RYR2: variants seen among roughly 807,000 people sequenced by gnomAD.
RYR2 encodes cardiac muscle ryanodine receptor-calcium release channel.
In RYR2, 227 loss-of-function variants were observed where a neutral mutation model predicts 601.1. That is an observed-to-expected ratio of 0.38 (90% CI 0.34 to 0.42). The LOEUF is 0.42. Among genes scored for constraint, RYR2 ranks in the 10% least tolerant of loss-of-function variants. The probability of loss-of-function intolerance (pLI) is 1.00; values close to 1 mark genes in which losing one functional copy is unlikely to be tolerated. For missense variants in RYR2, 4,646 were observed against 6,156.5 expected (o/e 0.75, Z 8.21); for synonymous variants, 2,223 against 2,175.1 (o/e 1.02, Z -0.61).
intron 1 of RYR2, among the ~76,000 whole-genome samples, chr1:237,104,806 G>A (rs75006588): frequency 2.3e-3 from 344 of 152,280 alleles, no homozygotes; most frequent in Non-Finnish European, 4.2e-3. Flanking sequence ...TCTTTGTACC[G>A]AGTTTGCAAG....
chr1:237,688,533 C>A (rs1686647188), intron 63 of RYR2, among the ~76,000 whole-genome samples: 1 of 151,788 alleles, frequency 6.6e-6, no homozygotes, highest in Non-Finnish European at 1.5e-5. Flanking sequence ...AGTATTATAT[C>A]CAAGATTTGG....
intron 1 of RYR2, among the ~76,000 whole-genome samples, chr1:237,147,166 A>G (rs1265002193): frequency 2.0e-5 from 3 of 152,234 alleles, no homozygotes; most frequent in Non-Finnish European, 1.5e-5. Context: ...GATTAAGGCT[A>G]CTATGCTGAA....
At chr1:237,705,856 A>C (rs1558256405) in intron 67 of RYR2, among the ~76,000 whole-genome samples, 1 of 152,200 alleles carries the variant, frequency 6.6e-6, no homozygotes, top group Non-Finnish European at 1.5e-5. Context: ...TACAGATATT[A>C]GCTTATAGCA....
At chr1:237,458,977 G>A (rs376327972) in intron 16 of RYR2, among the ~76,000 whole-genome samples, 175 of 152,202 alleles carry the variant, frequency 1.1e-3, no homozygotes, top group African/African-American at 3.9e-3. Flanking sequence ...GGTGACATGC[G>A]GCTGCCATTT....
intron 24 of RYR2, among the ~76,000 whole-genome samples, chr1:237,515,717 C>CCTCCT (rs1372571539): frequency 0.011 from 4 of 360 alleles, no homozygotes; most frequent in African/African-American, 0.034. Context: ...TCTCCTTCTT[C>CCTCCT]TCTTCCTCCT....
chr1:237,055,455 G>A (rs947406088), intron 1 of RYR2, among the ~76,000 whole-genome samples: 8 of 152,146 alleles, frequency 5.3e-5, no homozygotes, highest in Non-Finnish European at 7.3e-5. Context: ...CAGTCACCAC[G>A]GAGCTGGTGC....
intron 77 of RYR2, 117 bp from the exon 78 acceptor site, chr1:237,731,929 G>A: frequency 2.4e-6 from 1 of 413,754 alleles, no homozygotes; most frequent in Non-Finnish European, 4.3e-6. Flanking sequence ...CCCCACAACA[G>A]GGAAGGAGGA....
At position 237,580,533 on chromosome 1, in the gene RYR2, T is replaced by C. The variant is rs79749849; in HGVS notation, c.3599-9260T>C. Among the ~76,000 whole-genome samples the C allele has an allele frequency of 9.1e-3, 1,389 of 151,924 alleles. 24 individuals are homozygous for C. Among genetic ancestry groups the C allele is most frequent in the African/African-American group, 0.032 (1,324 of 41,404 alleles). Reference sequence around the variant, plus strand: ...GAAATGAATTTCCCATAAAGTAGAATTCAAATTCTTCTAATGAGGGATGAT... The same window carrying C: ...GAAATGAATTTCCCATAAAGTAGAACTCAAATTCTTCTAATGAGGGATGAT... On this transcript the variant is annotated intron_variant, in intron 29 of 104. Transcript: ENST00000366574.
intron 70 of RYR2, among the ~76,000 whole-genome samples, chr1:237,710,669 C>A (rs977743726): frequency 6.0e-5 from 8 of 132,444 alleles, no homozygotes; most frequent in African/African-American, 2.4e-4. Flanking sequence ...AATTCAAAAT[C>A]CACTGTAAAA....
rs780368223 is a variant in RYR2, at chr1:237,595,519, T to C, written c.4458T>C (p.Tyr1486=). ...VHESIKRSNC[Y]MVCAGESMSP... is the part of the protein sequence containing the mutation. ...TCAGCATCAAACGCAGCAACTGCTA[T>C]ATGGTATGTGCGGGTGAGAGCATGA... is the stretch of plus-strand genomic sequence containing the variant. Residue 1486 remains tyrosine (Y), a synonymous_variant, in exon 34 of 105, where the codon TAT becomes TAC. Transcript: ENST00000366574. The C allele has an allele frequency of 2.5e-6, 4 of 1,612,316 alleles. No individual in the cohort carries two copies. The Admixed American group carries it at 5.0e-5, about 20-fold the overall frequency.
Position 237,832,688 on chromosome 1 carries a change from T to G in RYR2, c.*41T>G, listed in dbSNP as rs978486070. ...CCTCTAAAAACCAAAACCCTACCCC[T>G]CTCTCTCCCTCTCTCAATTTCTCTG... On this transcript the variant is annotated 3_prime_UTR_variant, in exon 105 of 105. Coordinates refer to ENST00000366574, the MANE Select transcript of RYR2 (RefSeq NM_001035.3). 2 of 1,071,982 alleles carry G rather than the reference T, an allele frequency of 1.9e-6. No homozygotes were observed. Among genetic ancestry groups the G allele is most frequent in the East Asian group, 4.9e-5 (2 of 41,140 alleles). 66.4% of individuals were successfully genotyped at this position (1,071,982 alleles called of 1,614,324 possible).
chr1:237,590,608 G>T (rs566153604), intron 30 of RYR2, 32 bp from the exon 31 acceptor site: 1 of 1,467,158 alleles, frequency 6.8e-7, no homozygotes, highest in East Asian at 2.3e-5. Flanking sequence ...AATGGTGATT[G>T]GAATGTGAAC....
chr1:237,594,886 G>GTTTTTTTTTTTTTT (rs776702428), intron 33 of RYR2, among the ~76,000 whole-genome samples: 11 of 60,408 alleles, frequency 1.8e-4, no homozygotes, highest in Admixed American at 4.6e-4. Context: ...ATATCACTGG[G>GTTTTTTTTTTTTTT]TTTTTTTTTT....
chr1:237,481,719 AC>A (rs1202845145), intron 17 of RYR2, among the ~76,000 whole-genome samples: 1 of 150,830 alleles, frequency 6.6e-6, no homozygotes, highest in African/African-American at 2.4e-5. Context: ...CCTTTACAGA[AC>A]CCTCTCAGAT....
chr1:237,604,125 C>A (rs1676829910), intron 35 of RYR2, among the ~76,000 whole-genome samples: 1 of 152,176 alleles, frequency 6.6e-6, no homozygotes, highest in African/African-American at 2.4e-5. Context: ...ATACATTCTT[C>A]TCATCACCAC....
chr1:237,512,385 A>C (rs1377013956), intron 24 of RYR2, among the ~76,000 whole-genome samples: 1 of 152,246 alleles, frequency 6.6e-6, no homozygotes, highest in African/African-American at 2.4e-5. Flanking sequence ...CTGATTTAAT[A>C]TATTTAAAAG....
chr1:237,628,902 G>T (rs1240070408), intron 41 of RYR2, among the ~76,000 whole-genome samples: 1 of 151,986 alleles, frequency 6.6e-6, no homozygotes, highest in Admixed American at 6.6e-5. Context: ...AAGGGGTAGG[G>T]GGAACAAATT....
Position 237,640,912 on chromosome 1 carries a change from G to A in RYR2, c.7131G>A (p.Glu2377=), listed in dbSNP as rs1371982819. The A allele has an allele frequency of 6.2e-7, 1 of 1,613,188 alleles. No individual in the cohort carries two copies. Among genetic ancestry groups the A allele is most frequent in the Admixed American group, 1.7e-5 (1 of 59,928 alleles). Residue 2377 remains glutamate, a synonymous_variant, in exon 47 of 105, where the codon GAG becomes GAA. Coordinates refer to ENST00000366574, the MANE Select transcript of RYR2 (RefSeq NM_001035.3). The stretch of plus-strand genomic sequence containing the variant: ...TTCATGAAAGTGACACAGAGGAGGA[G>A]GAAGATGACACTATCCACATGGGGA... ...GSSKTLDTEE[E]EDDTIHMGNA...
intron 1 of RYR2, among the ~76,000 whole-genome samples, chr1:237,244,919 T>G (rs149692154): frequency 0.015 from 2,215 of 152,308 alleles, 53 homozygotes; most frequent in African/African-American, 0.049. Flanking sequence ...ATTCATTGTC[T>G]TATTTTAAAA....
Sources: allele counts gnomAD v4.1 joint callset (sites outside exome capture counted in the v4.1 genomes callset), GRCh38; gene constraint gnomAD v4.1.1; transcripts MANE v1.5; gene names NCBI Gene and HGNC (gene_info 2026-07-23, HGNC 2026-07-21).